CNTN4: variants seen among roughly 807,000 people sequenced by gnomAD.
CNTN4 encodes the protein contactin 4, also known as contactin-4.
A neutral mutation model predicts 122.5 loss-of-function variants in CNTN4; 77 were observed. That is an observed-to-expected ratio of 0.63 (90% CI 0.52 to 0.76). The LOEUF (loss-of-function observed/expected upper bound fraction) is 0.76. Ranked by LOEUF, CNTN4 falls within the 30% of genes least tolerant of loss-of-function variation. The pLI is 0.00. For missense variants in CNTN4, 1,256 were observed against 1,259.1 expected, an observed-to-expected ratio of 1.00 and a Z score of 0.04; for synonymous variants, 512 against 447.0, an observed-to-expected ratio of 1.15 and a Z score of -1.83.
intron 3 of CNTN4, among the ~76,000 whole-genome samples, chr3:2,522,516 G>C (rs1040091386): frequency 1.3e-5 from 2 of 152,016 alleles, no homozygotes; most frequent in African/African-American, 4.8e-5. Flanking sequence ...TTGTTATCTT[G>C]TATTACATAT....
intron 4 of CNTN4, among the ~76,000 whole-genome samples, chr3:2,717,160 C>G (rs78161556): frequency 6.6e-6 from 1 of 152,142 alleles, no homozygotes; most frequent in Admixed American, 6.5e-5. Flanking sequence ...GACTGCTGCG[C>G]TTTGAAAAGC....
chr3:2,850,221 C>T (rs886807370), intron 7 of CNTN4, among the ~76,000 whole-genome samples: 2 of 152,124 alleles, frequency 1.3e-5, no homozygotes, highest in Non-Finnish European at 2.9e-5. Context: ...AACTCCTGAC[C>T]TCATCATCCA....
intron 3 of CNTN4, among the ~76,000 whole-genome samples, chr3:2,351,203 G>T (rs2044600738): frequency 6.6e-6 from 1 of 152,168 alleles, no homozygotes; most frequent in South Asian, 2.1e-4. Flanking sequence ...CTTCTGCCAT[G>T]AATGTGAGAC....
intron 4 of CNTN4, among the ~76,000 whole-genome samples, chr3:2,626,364 G>T (rs985303292): frequency 1.3e-5 from 2 of 152,068 alleles, no homozygotes; most frequent in Non-Finnish European, 1.5e-5. Flanking sequence ...AGGCGTGGTG[G>T]TGGGCACCTG....
intron 6 of CNTN4, among the ~76,000 whole-genome samples, chr3:2,757,892 A>G (rs2090409609): frequency 6.6e-6 from 1 of 152,226 alleles, no homozygotes; most frequent in East Asian, 1.9e-4. Context: ...CACTGAAGGT[A>G]ATTTATCCCT....
chr3:2,734,167 C>G (rs998564373), intron 4 of CNTN4, among the ~76,000 whole-genome samples: 3 of 152,194 alleles, frequency 2.0e-5, no homozygotes, highest in African/African-American at 7.2e-5. Context: ...ATCAAGCCAT[C>G]CTCCCACCTC....
rs1553710735 is a variant in CNTN4 at position 2,969,522 on chromosome 3, T to TATTA, written c.1359-18822_1359-18819dup. On this transcript the variant is annotated intron_variant, in intron 13 of 24. Coordinates refer to ENST00000418658, the MANE Select transcript of CNTN4 (RefSeq NM_175607.3). ...TTTCCCAAAGGAAAATTGGGATTAT[T>TATTA]ATTATTATTATTATTATTCCTAGAC... is the stretch of plus-strand genomic sequence containing the variant. Among the ~76,000 whole-genome samples, 155 of 137,026 alleles carry TATTA rather than the reference T, an allele frequency of 1.1e-3. 3 individuals carry two copies. Among genetic ancestry groups the TATTA allele is most frequent in the Admixed American group, 0.01 (151 of 14,760 alleles). 89.9% of individuals were successfully genotyped at this position (137,026 alleles called of 152,430 possible).
At chr3:2,303,684 C>G (rs2042604835) in intron 2 of CNTN4, among the ~76,000 whole-genome samples, 1 of 152,164 alleles carries the variant, frequency 6.6e-6, no homozygotes, top group Admixed American at 6.5e-5. Context: ...TAGCAGGTCT[C>G]TCATACCTTG....
At chr3:2,338,661 A>G (rs1266121379) in intron 2 of CNTN4, among the ~76,000 whole-genome samples, 1 of 152,036 alleles carries the variant, frequency 6.6e-6, no homozygotes, top group Non-Finnish European at 1.5e-5. Context: ...AAATATTGTG[A>G]GGCAAAAATT....
intron 3 of CNTN4, among the ~76,000 whole-genome samples, chr3:2,441,818 G>A (rs1422232697): frequency 6.6e-6 from 1 of 152,146 alleles, no homozygotes; most frequent in Non-Finnish European, 1.5e-5. Flanking sequence ...GCAGTGTGCA[G>A]TATACAAAAT....
chr3:2,928,295 T>C (rs2094491446), intron 13 of CNTN4, among the ~76,000 whole-genome samples: 1 of 152,240 alleles, frequency 6.6e-6, no homozygotes, highest in African/African-American at 2.4e-5. Context: ...CATTTCATAG[T>C]TTCTGAAATG....
intron 2 of CNTN4, among the ~76,000 whole-genome samples, chr3:2,139,802 A>T (rs1273352703): frequency 6.6e-6 from 1 of 152,168 alleles, no homozygotes; most frequent in African/African-American, 2.4e-5. Context: ...TCTGCTTCTG[A>T]TGTGTTTTGT....
chr3:2,128,603 C>A (rs2034295882), intron 2 of CNTN4, among the ~76,000 whole-genome samples: 1 of 152,244 alleles, frequency 6.6e-6, no homozygotes, highest in African/African-American at 2.4e-5. Context: ...AAGCTGGTAT[C>A]ATGAGGAAGT....
At chr3:2,972,664 A>G (rs1001478909) in intron 13 of CNTN4, among the ~76,000 whole-genome samples, 1 of 152,126 alleles carries the variant, frequency 6.6e-6, no homozygotes, top group African/African-American at 2.4e-5. Flanking sequence ...CCCATTTACC[A>G]GATTTTTCAA....
chr3:2,376,633 A>G (rs889004970), intron 3 of CNTN4, among the ~76,000 whole-genome samples: 4 of 146,500 alleles, frequency 2.7e-5, no homozygotes, highest in Non-Finnish European at 5.9e-5. Flanking sequence ...CCAGTTCTCA[A>G]TTTTCATGTT....
chr3:2,971,333 T>C (rs1692899250), intron 13 of CNTN4, among the ~76,000 whole-genome samples: 1 of 136,940 alleles, frequency 7.3e-6, no homozygotes, highest in East Asian at 2.0e-4. Flanking sequence ...TCTATATCTA[T>C]ATCTGTCTGT....
intron 3 of CNTN4, among the ~76,000 whole-genome samples, chr3:2,530,061 G>A (rs1024220778): frequency 6.6e-6 from 1 of 152,066 alleles, no homozygotes; most frequent in African/African-American, 2.4e-5. Context: ...CCTGGCAGTG[G>A]AATCATTACC....
chr3:2,121,187 T>G (rs2033757625), intron 2 of CNTN4, among the ~76,000 whole-genome samples: 1 of 152,010 alleles, frequency 6.6e-6, no homozygotes, highest in East Asian at 1.9e-4. Context: ...CAAATGCTAG[T>G]ACAGCACTGG....
At chr3:2,834,894 C>A (rs1034500415) in intron 7 of CNTN4, among the ~76,000 whole-genome samples, 2 of 93,626 alleles carry the variant, frequency 2.1e-5, no homozygotes, top group Admixed American at 2.5e-4. Flanking sequence ...TAGATAAAGG[C>A]AACCTTTTTT....
Sources: gnomAD v4.1 joint callset for allele counts (sites outside exome capture counted in the v4.1 genomes callset) on GRCh38, gnomAD v4.1.1 for gene constraint, MANE v1.5 for transcripts, NCBI Gene and HGNC (gene_info 2026-07-23, HGNC 2026-07-21) for gene names.